THSD4: variants seen among roughly 807,000 people sequenced by gnomAD.
THSD4 encodes the protein thrombospondin type-1 domain-containing protein 4.
THSD4 carries 69 observed loss-of-function variants against 119.0 expected under a neutral mutation model. The observed-to-expected ratio is 0.58, with a 90% CI of 0.48 to 0.71. THSD4 has a LOEUF of 0.71. THSD4 is among the 30% of genes least tolerant of loss of function. The pLI is 0.00. For missense variants in THSD4, 1,393 were observed against 1,391.1 expected (o/e 1.00, Z -0.02); for synonymous variants, 524 against 540.4 (o/e 0.97, Z 0.42).
chr15:71,202,825 C>T (rs1297632315), intron 3 of THSD4, among the ~76,000 whole-genome samples: 5 of 152,052 alleles, frequency 3.3e-5, no homozygotes, highest in Non-Finnish European at 7.4e-5. Context: ...TGGAGCAGGC[C>T]GATCTGAGTT....
At chr15:71,228,588 T>G (rs2044036600) in intron 4 of THSD4, among the ~76,000 whole-genome samples, 1 of 152,218 alleles carries the variant, frequency 6.6e-6, no homozygotes, top group Non-Finnish European at 1.5e-5. Context: ...TAGTGTGTCT[T>G]GTGTAACATG....
intron 7 of THSD4, among the ~76,000 whole-genome samples, chr15:71,532,208 C>T (rs2048618950): frequency 6.6e-6 from 1 of 150,768 alleles, no homozygotes; most frequent in Non-Finnish European, 1.5e-5. Flanking sequence ...AGAAGGGTAA[C>T]AGCCGTCAGC....
chr15:71,669,572 C>G (rs1381570881), intron 8 of THSD4, among the ~76,000 whole-genome samples: 1 of 152,036 alleles, frequency 6.6e-6, no homozygotes, highest in Non-Finnish European at 1.5e-5. Flanking sequence ...CTATAACTAG[C>G]TTTTAAGAAT....
intron 6 of THSD4, among the ~76,000 whole-genome samples, chr15:71,302,368 A>G (rs2044962611): frequency 6.6e-6 from 1 of 152,158 alleles, no homozygotes; most frequent in Non-Finnish European, 1.5e-5. Flanking sequence ...GGGCTGATGC[A>G]GGCACTGAGC....
chr15:71,567,955 T>G (rs1041465129), intron 7 of THSD4, among the ~76,000 whole-genome samples: 1 of 152,136 alleles, frequency 6.6e-6, no homozygotes, highest in African/African-American at 2.4e-5. Context: ...ACCTTACCCT[T>G]TATTTCTCTT....
At chr15:71,223,068 G>T (rs541399502) in intron 4 of THSD4, among the ~76,000 whole-genome samples, 4 of 152,162 alleles carry the variant, frequency 2.6e-5, no homozygotes, top group Non-Finnish European at 4.4e-5. Flanking sequence ...CAGTAAAGGC[G>T]TCTCAATGCC....
At chr15:71,366,321 G>A (rs751168525) in intron 6 of THSD4, among the ~76,000 whole-genome samples, 6 of 152,202 alleles carry the variant, frequency 3.9e-5, no homozygotes, top group Admixed American at 1.3e-4. Context: ...TGATCCGCCC[G>A]TCTTGGCCTC....
In THSD4 at chr15:71,731,047, T is replaced by G. The variant is rs2052967571; in HGVS notation, c.1534-74T>G. 2.1e-6 allele frequency: 3 copies of G among 1,410,516 alleles called. No homozygotes were observed. In the African/African-American group the frequency reaches 4.2e-5, roughly 20 times the overall value. The allele number at this position is 1,410,516 out of a possible 1,614,324, so 87.4% of individuals were successfully genotyped here. ...CAACCCAGTCATTTCTCAGTAGTTC[T>G]GCAAATGCCATTGAAACCCAGAAGG... On this transcript the variant is annotated intron_variant, in intron 9 of 17. Transcript: ENST00000261862.
At chr15:71,190,567 C>A (rs1237199802) in intron 3 of THSD4, among the ~76,000 whole-genome samples, 1 of 152,180 alleles carries the variant, frequency 6.6e-6, no homozygotes, top group African/African-American at 2.4e-5. Context: ...GCTGAAGATT[C>A]CCCTTGCAGA....
chr15:71,696,413 A>G (rs1344739645), intron 8 of THSD4, among the ~76,000 whole-genome samples: 4 of 152,188 alleles, frequency 2.6e-5, no homozygotes, highest in African/African-American at 9.7e-5. Context: ...CACTCACTAC[A>G]GCTAAAAGGA....
intron 7 of THSD4, among the ~76,000 whole-genome samples, chr15:71,430,449 CAGATT>C (rs1210185976): frequency 6.6e-6 from 1 of 152,282 alleles, no homozygotes; most frequent in East Asian, 1.9e-4. Flanking sequence ...TAAGGAATCT[CAGATT>C]AGACTTTTAA....
At chr15:71,412,841 TATG>T (rs1181750306) in intron 7 of THSD4, among the ~76,000 whole-genome samples, 3 of 152,186 alleles carry the variant, frequency 2.0e-5, no homozygotes, top group African/African-American at 7.2e-5. Flanking sequence ...TTTTAATTAT[TATG>T]AGTACATAAT....
At chr15:71,277,483 C>G (rs926633123) in intron 6 of THSD4, among the ~76,000 whole-genome samples, 2 of 152,192 alleles carry the variant, frequency 1.3e-5, no homozygotes, top group African/African-American at 4.8e-5. Flanking sequence ...GTGGCAAGCA[C>G]TTGTCATCAT....
At chr15:71,624,706 G>A (rs920476738) in intron 7 of THSD4, among the ~76,000 whole-genome samples, 1 of 152,104 alleles carries the variant, frequency 6.6e-6, no homozygotes, top group African/African-American at 2.4e-5. Flanking sequence ...GAAGGCCATG[G>A]ACTGTTGTCA....
intron 7 of THSD4, among the ~76,000 whole-genome samples, chr15:71,546,437 G>C (rs1048708268): frequency 6.6e-6 from 1 of 152,168 alleles, no homozygotes; most frequent in Non-Finnish European, 1.5e-5. Context: ...GCTTTAGGAA[G>C]ACCCTTTTCC....
intron 7 of THSD4, among the ~76,000 whole-genome samples, chr15:71,438,506 A>G (rs909995873): frequency 5.9e-5 from 9 of 152,164 alleles, no homozygotes; most frequent in Non-Finnish European, 1.3e-4. Context: ...TACCTTTTAC[A>G]TTAATTCATT....
chr15:71,182,614 T>G (rs1249812377), intron 3 of THSD4, among the ~76,000 whole-genome samples: 1 of 151,832 alleles, frequency 6.6e-6, no homozygotes, highest in Non-Finnish European at 1.5e-5. Context: ...CCAGGCCACA[T>G]TACAGTTAAA....
At chr15:71,698,019 G>T (rs1402588444) in intron 8 of THSD4, among the ~76,000 whole-genome samples, 1 of 152,050 alleles carries the variant, frequency 6.6e-6, no homozygotes, top group African/African-American at 2.4e-5. Context: ...ACTGAAGAAG[G>T]GGCCAAGGGC....
At chr15:71,700,040 C>G (rs1326684150) in intron 8 of THSD4, among the ~76,000 whole-genome samples, 1 of 152,042 alleles carries the variant, frequency 6.6e-6, no homozygotes, top group East Asian at 1.9e-4. Flanking sequence ...AGAGCCAATC[C>G]TATTTCGAGG....
Sources: allele counts gnomAD v4.1 joint callset (sites outside exome capture counted in the v4.1 genomes callset), GRCh38; gene constraint gnomAD v4.1.1; transcripts MANE v1.5; gene names NCBI Gene and HGNC (gene_info 2026-07-23, HGNC 2026-07-21).